KLHL32: variants seen among roughly 807,000 people sequenced by gnomAD.
KLHL32 encodes the protein kelch like family member 32.
KLHL32 carries 35 observed loss-of-function variants against 64.8 expected under a neutral mutation model. The observed-to-expected ratio is 0.54, with a 90% CI of 0.41 to 0.72. The LOEUF is 0.72. Ranked by LOEUF, KLHL32 falls within the 30% of genes least tolerant of loss-of-function variation. KLHL32 has a pLI of 0.00. For synonymous variants in KLHL32, 259 were observed against 281.0 expected, an observed-to-expected ratio of 0.92 and a Z score of 0.78; for missense variants, 589 against 768.5, an observed-to-expected ratio of 0.77 and a Z score of 2.76.
intron 3 of KLHL32, among the ~76,000 whole-genome samples, chr6:97,041,143 C>T (rs1737645): frequency 0.17 from 26,039 of 152,084 alleles, 2,593 homozygotes; most frequent in African/African-American, 0.29. Context: ...TCCTATTGGG[C>T]AGGATGTTTG....
intron 3 of KLHL32, among the ~76,000 whole-genome samples, chr6:97,022,970 C>A (rs377610672): frequency 1.3e-5 from 2 of 152,092 alleles, no homozygotes; most frequent in African/African-American, 4.8e-5. Flanking sequence ...GTGGTAGGAG[C>A]GAGAAGAGAG....
At chr6:96,957,531 G>T (rs1773415873) in intron 1 of KLHL32, among the ~76,000 whole-genome samples, 1 of 151,998 alleles carries the variant, frequency 6.6e-6, no homozygotes, top group African/African-American at 2.4e-5. Context: ...AATTTTAACT[G>T]GTGTGAAAGC....
chr6:97,026,698 G>T (rs1782762922), intron 3 of KLHL32, among the ~76,000 whole-genome samples: 1 of 152,140 alleles, frequency 6.6e-6, no homozygotes, highest in Non-Finnish European at 1.5e-5. Flanking sequence ...TGAAGAAAAA[G>T]TTATTAAGAG....
chr6:97,092,171 A>T (rs1208226451), intron 6 of KLHL32, among the ~76,000 whole-genome samples: 1 of 151,938 alleles, frequency 6.6e-6, no homozygotes, highest in Admixed American at 6.6e-5. Flanking sequence ...TTGTATTTTT[A>T]GTAGAGACAG....
chr6:96,899,214 C>G, the KLHL32 span, among the ~76,000 whole-genome samples: 10 of 152,140 alleles, frequency 6.6e-5, no homozygotes, highest in Non-Finnish European at 1.3e-4. Flanking sequence ...AATCAGTGAT[C>G]TCAGATAGCA....
chr6:96,974,773 T>A (rs1775512137), intron 2 of KLHL32, among the ~76,000 whole-genome samples: 2 of 152,328 alleles, frequency 1.3e-5, no homozygotes, highest in Non-Finnish European at 2.9e-5. Context: ...CCCTGCCAAA[T>A]AAACCCACCA....
At chr6:97,082,537 C>T (rs936522191) in intron 5 of KLHL32, among the ~76,000 whole-genome samples, 11 of 151,576 alleles carry the variant, frequency 7.3e-5, no homozygotes, top group African/African-American at 1.7e-4. Flanking sequence ...GGCATGAACC[C>T]GGGAGGCGGA....
chr6:96,953,629 CAA>C (rs111533906), intron 1 of KLHL32, among the ~76,000 whole-genome samples: 2 of 135,404 alleles, frequency 1.5e-5, no homozygotes, highest in Non-Finnish European at 1.6e-5. Context: ...GACTCCATCT[CAA>C]AAAAAAAAAA....
chr6:96,980,198 T>A (rs577721232), intron 3 of KLHL32, among the ~76,000 whole-genome samples: 1 of 152,302 alleles, frequency 6.6e-6, no homozygotes, highest in African/African-American at 2.4e-5. Context: ...TCCAGTACTA[T>A]GTTGAATAGG....
At chr6:97,063,267 C>T (rs1425337478) in intron 4 of KLHL32, among the ~76,000 whole-genome samples, 1 of 152,130 alleles carries the variant, frequency 6.6e-6, no homozygotes, top group African/African-American at 2.4e-5. Context: ...TGATTGAATT[C>T]CGAAACTATT....
intron 1 of KLHL32, among the ~76,000 whole-genome samples, chr6:96,945,736 T>C (rs1771839866): frequency 6.6e-6 from 1 of 152,112 alleles, no homozygotes; most frequent in African/African-American, 2.4e-5. Flanking sequence ...TTCAGAGAAG[T>C]GGGTGGTAGC....
At position 97,057,634 on chromosome 6, in the gene KLHL32, G is replaced by A. The variant is rs1047910057; in HGVS notation, c.313-6994G>A. 6.0e-5 allele frequency among the ~76,000 whole-genome samples: 9 copies of A among 149,894 alleles called. 1 individual carries two copies. The highest frequency in any genetic ancestry group is 2.2e-4 in the African/African-American group (9 of 40,474). On this transcript the variant is annotated intron_variant, in intron 4 of 10. Transcript: ENST00000369261. ...TAAGATCTTGTTTTTTGATATTTTG[G>A]ATAACATTCCTTTAGCAGATGTATC...
chr6:96,994,493 T>G (rs1277354761), intron 3 of KLHL32: 2 of 985,176 alleles, frequency 2.0e-6, no homozygotes, highest in African/African-American at 3.5e-5. Context: ...TGCTCTGTAC[T>G]CTGATATTTG....
intron 4 of KLHL32, among the ~76,000 whole-genome samples, chr6:97,047,079 G>A (rs937089479): frequency 2.6e-5 from 4 of 152,198 alleles, no homozygotes; most frequent in Non-Finnish European, 5.9e-5. Context: ...AACAAGATGT[G>A]TGCGTGTTCC....
At chr6:96,973,588 T>A (rs538572264) in intron 2 of KLHL32, among the ~76,000 whole-genome samples, 19 of 152,284 alleles carry the variant, frequency 1.2e-4, no homozygotes, top group African/African-American at 4.3e-4. Context: ...AAACATTTCT[T>A]ACTGCTGTGT....
chr6:97,069,701 T>C (rs1790398253), intron 5 of KLHL32, among the ~76,000 whole-genome samples: 1 of 152,110 alleles, frequency 6.6e-6, no homozygotes, highest in African/African-American at 2.4e-5. Flanking sequence ...GTGCCTCCAT[T>C]AAGTAATTTT....
rs1800455290 is a variant in KLHL32 at position 97,139,528 on chromosome 6, T to G, written c.*246T>G. On this transcript the variant is annotated 3_prime_UTR_variant, in exon 11 of 11. Transcript: ENST00000369261. Reference sequence around the variant, plus strand: ...TAGCTTAGTGCCAATTTAAGGTATATTGTGTTCCATGGGTCTTTAGAGCAT... The same window carrying G: ...TAGCTTAGTGCCAATTTAAGGTATAGTGTGTTCCATGGGTCTTTAGAGCAT... 2.4e-6 allele frequency: 1 copy of G among 421,322 alleles called. No homozygotes were observed. The highest frequency in any genetic ancestry group is 4.2e-6 in the Non-Finnish European group (1 of 235,930). The allele number at this position is 421,322 out of a possible 1,614,324, so 26.1% of individuals were successfully genotyped here.
At chr6:97,039,143 C>T (rs184579007) in intron 3 of KLHL32, among the ~76,000 whole-genome samples, 8 of 150,896 alleles carry the variant, frequency 5.3e-5, no homozygotes, top group Admixed American at 1.3e-4. Flanking sequence ...ACTAAGTGCT[C>T]ATCAGTGAAT....
intron 1 of KLHL32, among the ~76,000 whole-genome samples, chr6:96,947,491 A>T (rs1347847270): frequency 6.6e-6 from 1 of 152,168 alleles, no homozygotes; most frequent in African/African-American, 2.4e-5. Flanking sequence ...AAGGATTCTC[A>T]TGAAAAGGAC....
Sources: allele counts gnomAD v4.1 joint callset (sites outside exome capture counted in the v4.1 genomes callset), GRCh38; gene constraint gnomAD v4.1.1; transcripts MANE v1.5; gene names NCBI Gene and HGNC (gene_info 2026-07-23, HGNC 2026-07-21).